The following FHL2 variants were observed in gnomAD, a reference collection of about 807,000 sequenced individuals.
FHL2 encodes four and a half LIM domains protein 2.
FHL2 carries 20 observed loss-of-function variants against 32.7 expected under a neutral mutation model. The observed-to-expected ratio is 0.61, with a 90% CI of 0.43 to 0.89. The LOEUF (loss-of-function observed/expected upper bound fraction) is 0.89, where lower values mean the gene tolerates loss of function less well. FHL2 is among the 40% of genes least tolerant of loss of function. The probability of loss-of-function intolerance (pLI) is 0.00; values close to 1 mark genes in which losing one functional copy is unlikely to be tolerated. For synonymous variants in FHL2, 123 were observed against 128.1 expected, an observed-to-expected ratio of 0.96 and a Z score of 0.27; for missense variants, 311 against 358.6, an observed-to-expected ratio of 0.87 and a Z score of 1.07.
chr2:105,366,648 G>T (rs1388483137), intron 5 of FHL2, among the ~76,000 whole-genome samples: 1 of 152,256 alleles, frequency 6.6e-6, no homozygotes, highest in Non-Finnish European at 1.5e-5. Context: ...ACTGGGCAGA[G>T]AGATGGCTTC....
At position 105,363,352 on chromosome 2, in the gene FHL2, G is replaced by C. The variant is rs781258347; in HGVS notation, c.621C>G (p.Ala207=). 6 of 1,614,222 alleles carry C rather than the reference G, an allele frequency of 3.7e-6. No individual in the cohort carries two copies. Among genetic ancestry groups the C allele is most frequent in the South Asian group, 3.3e-5 (3 of 91,082 alleles). ...GQRFTARDDF[A]YCLNCFCDLY... is the part of the protein sequence containing the mutation. ...AGTCACAGAAGCAGTTCAGGCAGTA[G>C]GCAAAGTCATCGCGAGCTGTGAAGC... Residue 207 remains alanine, a synonymous_variant, in exon 6 of 7, where the codon GCC becomes GCG. Transcript: ENST00000530340.
At chr2:105,378,155 TG>T (rs1435340629) in intron 3 of FHL2, 1 of 471,188 alleles carries the variant, frequency 2.1e-6, no homozygotes, top group Non-Finnish European at 4.4e-6. Context: ...GACATGCACA[TG>T]GGTCCAAGGC....
intron 1 of FHL2, among the ~76,000 whole-genome samples, chr2:105,417,376 A>G (rs1386394031): frequency 1.4e-5 from 2 of 144,816 alleles, no homozygotes; most frequent in South Asian, 2.2e-4. Flanking sequence ...GCTAGACTCC[A>G]TCTCAAAAAA....
At chr2:105,359,556 C>CA (rs1368595775), downstream of FHL2, 2 of 152,126 alleles carry the variant, frequency 1.3e-5, no homozygotes, top group African/African-American at 4.8e-5. Flanking sequence ...AAACTAAGGA[C>CA]AAAAAGGTCA....
chr2:105,401,234 T>G (rs1466441121), upstream of FHL2, among the ~76,000 whole-genome samples: 1 of 152,112 alleles, frequency 6.6e-6, no homozygotes, highest in Non-Finnish European at 1.5e-5. Context: ...ACACATATAT[T>G]TTTCTTTTCT....
chr2:105,417,413 G>A (rs1230594930), intron 1 of FHL2, among the ~76,000 whole-genome samples: 4 of 152,004 alleles, frequency 2.6e-5, no homozygotes, highest in African/African-American at 7.2e-5. Flanking sequence ...TGCTGGGCAC[G>A]GTGGCTCACG....
At chr2:105,407,317 A>G (rs1426806425) in intron 1 of FHL2, among the ~76,000 whole-genome samples, 4 of 150,724 alleles carry the variant, frequency 2.7e-5, no homozygotes, top group Non-Finnish European at 4.4e-5. Context: ...GCATGAACCC[A>G]GGAGGTGGAG....
chr2:105,397,158 AAAAT>A (rs1471380832), intron 1 of FHL2, among the ~76,000 whole-genome samples: 7 of 152,114 alleles, frequency 4.6e-5, no homozygotes, highest in Non-Finnish European at 1.0e-4. Flanking sequence ...AATGTTAAAA[AAAAT>A]AAATAAATAT....
At chr2:105,399,514 T>C, upstream of FHL2, 1 of 1,536,156 alleles carries the variant, frequency 6.5e-7, no homozygotes, top group South Asian at 1.2e-5. Context: ...CTGCAGATGC[T>C]TCTTTACGAA....
chr2:105,367,563 G>A lies in FHL2; in HGVS notation c.501+7C>T, dbSNP rs750488360. The A allele has an allele frequency of 6.2e-7, 1 of 1,609,032 alleles. No individual in the cohort carries two copies. The highest frequency in any genetic ancestry group is 8.5e-7 in the Non-Finnish European group (1 of 1,176,690). ...ACGTGCAAGGGCCAAGGGGGCATCT[G>A]AGATACCTTTTTGCACTGAACGCAC... On this transcript the variant is annotated splice_region_variant and intron_variant, in intron 5 of 6. Transcript: ENST00000530340.
intron 2 of FHL2, among the ~76,000 whole-genome samples, chr2:105,395,698 G>A (rs956895830): frequency 3.9e-5 from 6 of 152,184 alleles, no homozygotes; most frequent in African/African-American, 1.2e-4. Context: ...TTTCCTTGTT[G>A]ACTGACAAGC....
intron 1 of FHL2, among the ~76,000 whole-genome samples, chr2:105,420,073 C>A (rs1684053240): frequency 6.6e-6 from 1 of 152,180 alleles, no homozygotes; most frequent in Non-Finnish European, 1.5e-5. Context: ...TTGTGTTAGT[C>A]TGCCAGGGCT....
At chr2:105,406,645 G>A (rs1683638623) in intron 1 of FHL2, among the ~76,000 whole-genome samples, 2 of 152,158 alleles carry the variant, frequency 1.3e-5, no homozygotes, top group East Asian at 3.8e-4. Flanking sequence ...TTCCAGGTCA[G>A]GGTAGAAGCA....
intron 2 of FHL2, among the ~76,000 whole-genome samples, chr2:105,392,331 G>C (rs1451317376): frequency 6.6e-6 from 1 of 152,176 alleles, no homozygotes; most frequent in Middle Eastern, 3.4e-3. Context: ...AAAATTTGCC[G>C]GGTGTGGTGG....
At chr2:105,393,061 G>A (rs1307175566) in intron 2 of FHL2, among the ~76,000 whole-genome samples, 1 of 151,712 alleles carries the variant, frequency 6.6e-6, no homozygotes, top group East Asian at 1.9e-4. Context: ...CCCTTGGCTT[G>A]CTGGCTCAGG....
intron 1 of FHL2, among the ~76,000 whole-genome samples, chr2:105,421,639 C>T (rs2104669263): frequency 6.6e-6 from 1 of 152,280 alleles, no homozygotes; most frequent in Non-Finnish European, 1.5e-5. Flanking sequence ...CCACCAAATT[C>T]CATCTTTAGG....
chr2:105,411,247 G>T (rs538280146), intron 1 of FHL2, among the ~76,000 whole-genome samples: 4 of 152,116 alleles, frequency 2.6e-5, no homozygotes, highest in East Asian at 1.9e-4. Flanking sequence ...TGCATTAAAG[G>T]TTATTAGCAC....
intron 1 of FHL2, among the ~76,000 whole-genome samples, chr2:105,432,660 A>G (rs1009359879): frequency 1.3e-5 from 2 of 152,054 alleles, no homozygotes; most frequent in East Asian, 3.8e-4. Flanking sequence ...AGACTTATAC[A>G]GAGGCACACA....
At chr2:105,403,898 G>A (rs1235711667), upstream of FHL2, among the ~76,000 whole-genome samples, 1 of 152,232 alleles carries the variant, frequency 6.6e-6, no homozygotes, top group African/African-American at 2.4e-5. Flanking sequence ...GTTTCAGCCA[G>A]TGGGTCTGAG....
Sources: gnomAD v4.1 joint callset for allele counts (sites outside exome capture counted in the v4.1 genomes callset) on GRCh38, gnomAD v4.1.1 for gene constraint, MANE v1.5 for transcripts, NCBI Gene and HGNC (gene_info 2026-07-23, HGNC 2026-07-21) for gene names.